The following DERA variants were observed in gnomAD, a reference collection of about 807,000 sequenced individuals.
The protein encoded by DERA is 2-deoxy-D-ribose 5-phosphate aldolase.
Under a neutral mutation model 41.1 loss-of-function variants are expected in DERA, and 15 were observed. The ratio of observed to expected loss-of-function variants is 0.37; its 90% CI spans 0.24 to 0.56. The LOEUF (loss-of-function observed/expected upper bound fraction) is 0.56, where lower values mean the gene tolerates loss of function less well. DERA is among the 20% of genes least tolerant of loss of function. DERA has a pLI of 0.81. For missense variants in DERA, 396 were observed against 403.4 expected, an observed-to-expected ratio of 0.98 and a Z score of 0.16; for synonymous variants, 139 against 137.4, an observed-to-expected ratio of 1.01 and a Z score of -0.08.
Position 15,998,411 on chromosome 12 carries a change from G to A in DERA, c.637+15975G>A, listed in dbSNP as rs1294793410. ...TGGCTCACGGCAACCTCCGCCTTCCGGGTTCAAGCAGTTCTCCCGCCTCAG... is the reference window on the plus strand; with the variant it reads ...TGGCTCACGGCAACCTCCGCCTTCCAGGTTCAAGCAGTTCTCCCGCCTCAG... On this transcript the variant is annotated intron_variant, in intron 6 of 8. Coordinates refer to ENST00000428559, the MANE Select transcript of DERA (RefSeq NM_015954.4). This position sits in a 1 kb window ranked among gnomAD's most constrained non-coding sequence, Gnocchi z 4.8. 2.0e-5 allele frequency among the ~76,000 whole-genome samples: 3 copies of A among 152,046 alleles called. No individual in the cohort carries two copies. Among genetic ancestry groups the A allele is most frequent in the African/African-American group, 4.8e-5 (2 of 41,386 alleles).
intron 6 of DERA, among the ~76,000 whole-genome samples, chr12:16,028,945 C>G (rs1407681127): frequency 1.3e-5 from 2 of 151,964 alleles, no homozygotes; most frequent in Non-Finnish European, 2.9e-5. Context: ...TTGAGTCATA[C>G]TAAAAAAAAT....
At chr12:16,016,468 T>C (rs966096924) in intron 6 of DERA, among the ~76,000 whole-genome samples, 4 of 152,154 alleles carry the variant, frequency 2.6e-5, no homozygotes, top group Non-Finnish European at 4.4e-5. Flanking sequence ...CTTTCTTTTT[T>C]CCAAATGCGT....
In DERA at chr12:15,998,983, A is replaced by G. The variant is rs892662796; in HGVS notation, c.637+16547A>G. On this transcript the variant is annotated intron_variant, in intron 6 of 8. Coordinates refer to ENST00000428559, the MANE Select transcript of DERA (RefSeq NM_015954.4). The surrounding 1 kb of genome is among the most constrained non-coding windows in gnomAD (Gnocchi z 4.8). The stretch of plus-strand genomic sequence containing the variant: ...CATTTGTAATTCTTCTACTGTTCTG[A>G]TAGCACTATCAAGATTTCACCTCCT... Among the ~76,000 whole-genome samples the G allele has an allele frequency of 6.6e-6, 1 of 152,206 alleles. No homozygotes were observed. Among genetic ancestry groups the G allele is most frequent in the East Asian group, 1.9e-4 (1 of 5,190 alleles).
rs762749603 is a variant in DERA, at chr12:15,962,857, T to G, written c.418T>G (p.Leu140Val). Residue 140 changes from leucine (L) to valine (V), a missense_variant, in exon 5 of 9, where the codon TTA (leucine) becomes GTA (valine). By Grantham distance (32) the Leu-to-Val change is conservative (BLOSUM62 1). Coordinates refer to ENST00000428559, the MANE Select transcript of DERA (RefSeq NM_015954.4). ...PAGQTHLKTR[L>V]EEIRLAVEDG... is the part of the protein sequence containing the mutation. ...TGGACAGACTCATTTGAAGACACGA[T>G]TAGAAGAGATCAGATTGGCTGTGGA... The G allele has an allele frequency of 1.3e-6, 2 of 1,567,366 alleles. No individual in the cohort carries two copies. Among genetic ancestry groups the G allele is most frequent in the African/African-American group, 2.7e-5 (2 of 74,086 alleles).
rs1213286645 is a variant in DERA at position 16,013,041 on chromosome 12, C to G, written c.638-19501C>G. On this transcript the variant is annotated intron_variant, in intron 6 of 8. Transcript: ENST00000428559. This position sits in a 1 kb window ranked among gnomAD's most constrained non-coding sequence, Gnocchi z 5.8. ...TCATATTGGACTATGACGTGCAGCC[C>G]TAGACAAATCAGTAGAGTCAGTGAC... Among the ~76,000 whole-genome samples the G allele has an allele frequency of 6.6e-6, 1 of 152,126 alleles. No individual in the cohort carries two copies. The highest frequency in any genetic ancestry group is 1.5e-5 in the Non-Finnish European group (1 of 68,022).
chr12:16,034,754 C>G (rs1012814694), intron 7 of DERA, among the ~76,000 whole-genome samples: 1 of 137,342 alleles, frequency 7.3e-6, no homozygotes, highest in African/African-American at 3.4e-5. Context: ...TCCATATTCT[C>G]TTTAAAAAAA....
chr12:15,985,895 C>A lies in DERA; in HGVS notation c.637+3459C>A. Reference sequence around the variant, plus strand: ...AATTGGTTGATAATGTTTTTCAGATCTAGTTTTGTTTTCTTTTTGGTCTAC... The same window carrying A: ...AATTGGTTGATAATGTTTTTCAGATATAGTTTTGTTTTCTTTTTGGTCTAC... On this transcript the variant is annotated intron_variant, in intron 6 of 8. Transcript: ENST00000428559. This position sits in a 1 kb window ranked among gnomAD's most constrained non-coding sequence, Gnocchi z 4.2. 6.6e-6 allele frequency among the ~76,000 whole-genome samples: 1 copy of A among 152,058 alleles called. No homozygotes were observed. The highest frequency in any genetic ancestry group is 1.9e-4 in the East Asian group (1 of 5,180).
rs748007780 is a variant in DERA, at chr12:15,941,402, G to T, written c.32-15534G>T. Reference sequence around the variant, plus strand: ...TTTTTTTTTAATTTCAATAGTTTTTGAGGTACAGGTGGTTTTGGATTACAT... The same window carrying T: ...TTTTTTTTTAATTTCAATAGTTTTTTAGGTACAGGTGGTTTTGGATTACAT... On this transcript the variant is annotated intron_variant, in intron 1 of 8. Transcript: ENST00000428559. The surrounding 1 kb of genome is among the most constrained non-coding windows in gnomAD (Gnocchi z 4.5). Among the ~76,000 whole-genome samples the T allele has an allele frequency of 6.6e-6, 1 of 152,102 alleles. No individual in the cohort carries two copies. The highest frequency in any genetic ancestry group is 1.5e-5 in the Non-Finnish European group (1 of 68,026).
rs1435007785 is a variant in DERA, at chr12:15,995,016, G to A, written c.637+12580G>A. ...TGAATAGACCAAGGCCACACACTGA[G>A]TAAGTGGCAGAATTTTCTGAAGGAC... On this transcript the variant is annotated intron_variant, in intron 6 of 8. Coordinates refer to ENST00000428559, the MANE Select transcript of DERA (RefSeq NM_015954.4). This position sits in a 1 kb window ranked among gnomAD's most constrained non-coding sequence, Gnocchi z 5.1. Among the ~76,000 whole-genome samples, 1 of 152,196 alleles carries A rather than the reference G, an allele frequency of 6.6e-6. No homozygotes were observed. The highest frequency in any genetic ancestry group is 1.5e-5 in the Non-Finnish European group (1 of 68,032).
In DERA at chr12:15,954,412, C is replaced by T. The variant is rs77378832; in HGVS notation, c.32-2524C>T. ...TGGAATGCAGAGTTTCATGGAAGCACGAAGAAGCAAAGGGATGTCTCAACC... is the reference window on the plus strand; with the variant it reads ...TGGAATGCAGAGTTTCATGGAAGCATGAAGAAGCAAAGGGATGTCTCAACC... On this transcript the variant is annotated intron_variant, in intron 1 of 8. Transcript: ENST00000428559. The surrounding 1 kb of genome is among the most constrained non-coding windows in gnomAD (Gnocchi z 4.0). Among the ~76,000 whole-genome samples the T allele has an allele frequency of 1.3e-5, 2 of 152,064 alleles. No individual in the cohort carries two copies. Among genetic ancestry groups the T allele is most frequent in the African/African-American group, 4.8e-5 (2 of 41,384 alleles).
In DERA at chr12:15,958,271, C is replaced by G. The variant is rs199729779; in HGVS notation, c.213C>G (p.Leu71=). ...ATACATCTTCCAACATTCAAAGGCT[C>G]TGTTATAAAGCCAAATACCCAATCC... is the stretch of plus-strand genomic sequence containing the variant. ...GDDTSSNIQR[L]CYKAKYPIRE... is the part of the protein sequence containing the mutation. Residue 71 remains leucine (L), a synonymous_variant, in exon 3 of 9, where the codon CTC becomes CTG. Transcript: ENST00000428559. 2,207 of 1,600,254 alleles carry G rather than the reference C, an allele frequency of 1.4e-3. 6 individuals carry two copies. The highest frequency in any genetic ancestry group is 1.7e-3 in the Non-Finnish European group (2,001 of 1,172,780).
rs538101735 is a variant in DERA, at chr12:15,924,387, C to A, written c.31+12973C>A. 2.6e-5 allele frequency among the ~76,000 whole-genome samples: 4 copies of A among 152,126 alleles called. No individual in the cohort carries two copies. Among genetic ancestry groups the A allele is most frequent in the African/African-American group, 9.6e-5 (4 of 41,502 alleles). ...CTGTAGCCTGGGTGACAGAGCAATA[C>A]CCTGTTTCTAAAATTAAAATGTATA... On this transcript the variant is annotated intron_variant, in intron 1 of 8. Coordinates refer to ENST00000428559, the MANE Select transcript of DERA (RefSeq NM_015954.4). This position sits in a 1 kb window ranked among gnomAD's most constrained non-coding sequence, Gnocchi z 5.0.
At chr12:15,958,405 T>C in intron 3 of DERA, 70 bp downstream of exon 3, 1 of 1,278,860 alleles carries the variant, frequency 7.8e-7, no homozygotes, top group South Asian at 1.8e-5. Flanking sequence ...CAAAGACGAC[T>C]TAAGATACAG....
chr12:15,960,659 A>C (rs1008144975), intron 4 of DERA, among the ~76,000 whole-genome samples: 15 of 151,188 alleles, frequency 9.9e-5, no homozygotes, highest in Admixed American at 4.6e-4. Context: ...AAAAAAAAAA[A>C]AAAACAACGA....
intron 5 of DERA, among the ~76,000 whole-genome samples, chr12:15,964,445 T>A (rs1948609628): frequency 6.6e-6 from 1 of 152,238 alleles, no homozygotes; most frequent in Non-Finnish European, 1.5e-5. Context: ...TTCACAAATA[T>A]CTTTTTGTAT....
chr12:15,931,371 G>A lies in DERA; in HGVS notation c.31+19957G>A, dbSNP rs1948326768. Among the ~76,000 whole-genome samples the A allele has an allele frequency of 6.6e-6, 1 of 152,148 alleles. No individual in the cohort carries two copies. Among genetic ancestry groups the A allele is most frequent in the African/African-American group, 2.4e-5 (1 of 41,450 alleles). On this transcript the variant is annotated intron_variant, in intron 1 of 8. Transcript: ENST00000428559. The surrounding 1 kb of genome is among the most constrained non-coding windows in gnomAD (Gnocchi z 4.6). ...TTTTCTCTGAAGCGCTTGGTTCCTA[G>A]AATAATTGATTAAATCTTTTCAAAG...
chr12:15,981,525 T>C lies in DERA; in HGVS notation c.509-783T>C, dbSNP rs183354797. Among the ~76,000 whole-genome samples the C allele has an allele frequency of 4.2e-4, 64 of 152,330 alleles. 1 individual carries two copies. Among genetic ancestry groups the C allele is most frequent in the South Asian group, 2.1e-3 (10 of 4,822 alleles). On this transcript the variant is annotated intron_variant, in intron 5 of 8. Coordinates refer to ENST00000428559, the MANE Select transcript of DERA (RefSeq NM_015954.4). The surrounding 1 kb of genome is among the most constrained non-coding windows in gnomAD (Gnocchi z 6.1). ...TCATTGACAAAAGACTTAAATAATT[T>C]TTTAAAGATTTAATACACATGATTT...
At chr12:16,025,598 A>G (rs895980701) in intron 6 of DERA, among the ~76,000 whole-genome samples, 8 of 152,274 alleles carry the variant, frequency 5.3e-5, no homozygotes, top group Admixed American at 4.6e-4. Flanking sequence ...CAAATCTACT[A>G]TTGTAGCTGG....
At chr12:15,968,284 T>C in intron 5 of DERA, among the ~76,000 whole-genome samples, 1 of 152,250 alleles carries the variant, frequency 6.6e-6, no homozygotes, top group East Asian at 1.9e-4. Context: ...TGTATGTTTC[T>C]ATGCCGTTAG....
Sources: gnomAD v4.1 joint callset for allele counts (sites outside exome capture counted in the v4.1 genomes callset) on GRCh38, gnomAD v4.1.1 for gene constraint, Gnocchi (gnomAD v3.1) non-coding constraint, MANE v1.5 for transcripts, NCBI Gene and HGNC (gene_info 2026-07-23, HGNC 2026-07-21) for gene names.